The following SYNPR variants were observed in gnomAD, a reference collection of about 807,000 sequenced individuals.
SYNPR encodes synaptoporin.
In SYNPR, 23 loss-of-function variants were observed where a neutral mutation model predicts 32.9. That is an observed-to-expected ratio of 0.70 (90% CI 0.50 to 0.99). The LOEUF is 0.99. Ranked by LOEUF, SYNPR falls within the 50% of genes least tolerant of loss-of-function variation. SYNPR has a pLI of 0.00. For missense variants in SYNPR, 318 were observed against 349.3 expected, an observed-to-expected ratio of 0.91 and a Z score of 0.71; for synonymous variants, 146 against 135.9, an observed-to-expected ratio of 1.07 and a Z score of -0.52.
chr3:63,390,296 A>G (rs879590615), intron 2 of SYNPR, among the ~76,000 whole-genome samples: 6 of 152,194 alleles, frequency 3.9e-5, no homozygotes, highest in Non-Finnish European at 7.3e-5. Context: ...CACCCTCTAA[A>G]TGGTACCCAG....
rs539039771 is a variant in SYNPR, at chr3:63,402,260, G to A, written c.85-78572G>A. ...TCCCGGGCCTCTAAACATGAGGAGC[G>A]CTCCCTGCAAAGTGGTGACCATCAG... On this transcript the variant is annotated intron_variant, in intron 2 of 5. Transcript: ENST00000478300. Among the ~76,000 whole-genome samples the A allele has an allele frequency of 1.8e-3, 271 of 152,150 alleles. 1 individual carries two copies. The highest frequency in any genetic ancestry group is 2.4e-3 in the Non-Finnish European group (161 of 67,994).
At chr3:63,363,704 T>C (rs2087692169) in intron 2 of SYNPR, among the ~76,000 whole-genome samples, 1 of 152,312 alleles carries the variant, frequency 6.6e-6, no homozygotes, top group South Asian at 2.1e-4. Flanking sequence ...TTTACTCATG[T>C]GGTAATTTAT....
chr3:63,282,024 C>T (rs547028255), intron 2 of SYNPR, among the ~76,000 whole-genome samples: 14 of 152,062 alleles, frequency 9.2e-5, no homozygotes, highest in Non-Finnish European at 1.9e-4. Context: ...AATTCTGGAA[C>T]ATATTAATTA....
chr3:63,391,381 A>C (rs2088135515), intron 2 of SYNPR, among the ~76,000 whole-genome samples: 1 of 152,224 alleles, frequency 6.6e-6, no homozygotes, highest in South Asian at 2.1e-4. Context: ...TCCACTGAGC[A>C]TCAACTTTGT....
chr3:63,377,937 C>G (rs903544350), intron 2 of SYNPR, among the ~76,000 whole-genome samples: 1 of 151,724 alleles, frequency 6.6e-6, no homozygotes, highest in African/African-American at 2.4e-5. Flanking sequence ...TGTATTGGTT[C>G]AGAAAGTAAA....
chr3:63,465,308 A>C (rs540860681), intron 2 of SYNPR, among the ~76,000 whole-genome samples: 1 of 152,218 alleles, frequency 6.6e-6, no homozygotes, highest in Non-Finnish European at 1.5e-5. Flanking sequence ...TTGTTAAAGA[A>C]AAGAGAATAA....
At chr3:63,253,224 T>C (rs1010411352) in intron 2 of SYNPR, among the ~76,000 whole-genome samples, 8 of 151,968 alleles carry the variant, frequency 5.3e-5, no homozygotes, top group South Asian at 4.2e-4. Context: ...CTAAAGGCCA[T>C]TTAGAGTCAA....
intron 2 of SYNPR, among the ~76,000 whole-genome samples, chr3:63,336,908 AC>A (rs1324051501): frequency 6.6e-6 from 1 of 152,092 alleles, no homozygotes; most frequent in East Asian, 1.9e-4. Context: ...ACAATTAAAA[AC>A]TGTATAGACA....
chr3:63,495,094 T>C (rs896379391), intron 3 of SYNPR, among the ~76,000 whole-genome samples: 2 of 152,222 alleles, frequency 1.3e-5, no homozygotes, highest in African/African-American at 4.8e-5. Flanking sequence ...GATTGTTCTT[T>C]TTCCTTTTTG....
At chr3:63,335,853 C>T (rs545900225) in intron 2 of SYNPR, among the ~76,000 whole-genome samples, 7 of 146,140 alleles carry the variant, frequency 4.8e-5, no homozygotes, top group South Asian at 2.1e-4. Flanking sequence ...CTCAGCTCAC[C>T]GCAACCTCTG....
intron 3 of SYNPR, among the ~76,000 whole-genome samples, chr3:63,535,731 C>CAA (rs3083192): frequency 2.2e-5 from 3 of 137,794 alleles, no homozygotes; most frequent in African/African-American, 5.3e-5. Context: ...TATCCACATG[C>CAA]AAAAAAAAAA....
intron 2 of SYNPR, among the ~76,000 whole-genome samples, chr3:63,394,423 G>A (rs11709894): frequency 0.41 from 62,518 of 151,926 alleles, 13,205 homozygotes; most frequent in Middle Eastern, 0.49. Context: ...AGACAGCTCC[G>A]CTCACAATGG....
chr3:63,236,598 T>C (rs951707286), intron 1 of SYNPR, among the ~76,000 whole-genome samples: 6 of 152,144 alleles, frequency 3.9e-5, no homozygotes, highest in African/African-American at 9.6e-5. Flanking sequence ...ACATATTAAG[T>C]ATACACCTAA....
intron 2 of SYNPR, among the ~76,000 whole-genome samples, chr3:63,298,984 T>C (rs909529508): frequency 6.6e-6 from 1 of 152,136 alleles, no homozygotes; most frequent in South Asian, 2.1e-4. Context: ...AGAGAATAAA[T>C]CTTTGGGAAG....
chr3:63,232,254 T>C (rs1388981168), intron 1 of SYNPR, among the ~76,000 whole-genome samples: 1 of 132,184 alleles, frequency 7.6e-6, no homozygotes, highest in East Asian at 2.5e-4. Context: ...CAGGCTGGAG[T>C]GCAATGGCGT....
rs17397377 is a variant in SYNPR at position 63,509,999 on chromosome 3, A to G, written c.209+29043A>G. Reference sequence around the variant, plus strand: ...CTTTCTTCCTCCTTCCTTTCTCATGACTACTAACCAGAAAATATCATTCTA... The same window carrying G: ...CTTTCTTCCTCCTTCCTTTCTCATGGCTACTAACCAGAAAATATCATTCTA... On this transcript the variant is annotated intron_variant, in intron 3 of 5. Transcript: ENST00000478300. Among the ~76,000 whole-genome samples the G allele has an allele frequency of 7.8e-3, 1,185 of 151,836 alleles. 8 individuals carry two copies. The highest frequency in any genetic ancestry group is 0.011 in the Non-Finnish European group (771 of 67,974).
chr3:63,250,651 T>C (rs1263434560), intron 1 of SYNPR, among the ~76,000 whole-genome samples: 2 of 152,158 alleles, frequency 1.3e-5, no homozygotes. Flanking sequence ...TGAGGAAAAC[T>C]CTATAAGCTA....
At chr3:63,468,587 G>C (rs1462819667) in intron 2 of SYNPR, among the ~76,000 whole-genome samples, 4 of 152,040 alleles carry the variant, frequency 2.6e-5, no homozygotes, top group Admixed American at 2.0e-4. Flanking sequence ...AGGCGTTTGA[G>C]ATCAGGAGTT....
the SYNPR span, among the ~76,000 whole-genome samples, chr3:63,218,281 C>T: frequency 6.6e-6 from 1 of 152,084 alleles, no homozygotes; most frequent in African/African-American, 2.4e-5. Flanking sequence ...CAATATAATC[C>T]ACACCAGCGT....
Sources: gnomAD v4.1 joint callset for allele counts (sites outside exome capture counted in the v4.1 genomes callset) on GRCh38, gnomAD v4.1.1 for gene constraint, MANE v1.5 for transcripts, NCBI Gene and HGNC (gene_info 2026-07-23, HGNC 2026-07-21) for gene names.